CAPG: variants seen among roughly 807,000 people sequenced by gnomAD.
CAPG encodes capping actin protein, gelsolin like, also known as macrophage-capping protein.
CAPG carries 32 observed loss-of-function variants against 44.6 expected under a neutral mutation model. That is an observed-to-expected ratio of 0.72 (90% CI 0.54 to 0.96). CAPG has a LOEUF of 0.96. Ranked by LOEUF, CAPG falls within the 50% of genes least tolerant of loss-of-function variation. The pLI is 0.00. For missense variants in CAPG, 412 were observed against 438.3 expected (o/e 0.94, Z 0.54); for synonymous variants, 175 against 179.6 (o/e 0.97, Z 0.20).
In CAPG at chr2:85,395,230, C is replaced by T. The variant is rs571979574; in HGVS notation, c.982-272G>A. Among the ~76,000 whole-genome samples, 4 of 152,288 alleles carry T rather than the reference C, an allele frequency of 2.6e-5. No homozygotes were observed. The highest frequency in any genetic ancestry group is 1.9e-4 in the East Asian group (1 of 5,180). ...GTAGCTGAGCCCTGTCAGCTCCCCA[C>T]GGGATGACTTGTGGACACTGTGCTG... On this transcript the variant is annotated intron_variant, in intron 9 of 9. Transcript: ENST00000263867. The surrounding 1 kb of genome is among the most constrained non-coding windows in gnomAD (Gnocchi z 4.3).
rs1686577882 is a variant in CAPG, at chr2:85,395,980, C to T, written c.893-354G>A. The T allele has an allele frequency of 4.3e-6, 1 of 232,072 alleles. No homozygotes were observed. Among genetic ancestry groups the T allele is most frequent in the Admixed American group, 5.0e-5 (1 of 19,876 alleles). 14.4% of individuals were successfully genotyped at this position (232,072 alleles called of 1,614,324 possible). On this transcript the variant is annotated intron_variant, in intron 8 of 9. Coordinates refer to ENST00000263867, the MANE Select transcript of CAPG (RefSeq NM_001747.4). The surrounding 1 kb of genome is among the most constrained non-coding windows in gnomAD (Gnocchi z 4.3). ...CTCCTTTTCCTCTAGGACCCCTCAC[C>T]TCTTGAATTCATCAAGCCTTTTCTG...
downstream of CAPG, among the ~76,000 whole-genome samples, chr2:85,392,091 T>C (rs1686396330): frequency 6.6e-6 from 1 of 152,230 alleles, no homozygotes; most frequent in East Asian, 1.9e-4. Context: ...TGTTGGTTCC[T>C]TCCCAAAAGA....
intron 8 of CAPG, among the ~76,000 whole-genome samples, chr2:85,396,362 GTT>G (rs34371148): frequency 1.3e-5 from 2 of 148,426 alleles, no homozygotes; most frequent in African/African-American, 4.9e-5. Context: ...ATTTTGGGGG[GTT>G]TTTTTTTTGT....
At chr2:85,408,380 A>ACACACACACACACACACAC (rs1687269825) in intron 1 of CAPG, among the ~76,000 whole-genome samples, 5 of 131,880 alleles carry the variant, frequency 3.8e-5, no homozygotes, top group South Asian at 5.5e-4. Flanking sequence ...ACACACACAC[A>ACACACACACACACACACAC]AGCCCCCTTA....
In CAPG at chr2:85,395,194, T is replaced by C. The variant is rs11690650; in HGVS notation, c.982-236A>G. ...GGGCGTGGGTGCACAGTTTAATAAA[T>C]GCCACCAACGGTAGCTGAGCCCTGT... On this transcript the variant is annotated intron_variant, in intron 9 of 9. Transcript: ENST00000263867. The surrounding 1 kb of genome is among the most constrained non-coding windows in gnomAD (Gnocchi z 4.3). Among the ~76,000 whole-genome samples, 35,028 of 152,004 alleles carry C rather than the reference T, an allele frequency of 0.23. 4,414 individuals carry two copies. Among genetic ancestry groups the C allele is most frequent in the African/African-American group, 0.3 (12,273 of 41,440 alleles).
chr2:85,399,062 C>T, intron 6 of CAPG, 74 bp downstream of exon 6: 1 of 1,533,412 alleles, frequency 6.5e-7, no homozygotes, highest in Non-Finnish European at 9.0e-7. Context: ...CACTCTCAGC[C>T]CTCAGCTCAT....
At chr2:85,401,390 A>C in intron 4 of CAPG, 61 bp from the exon 5 acceptor site, 2 of 1,583,696 alleles carry the variant, frequency 1.3e-6, no homozygotes, top group Non-Finnish European at 1.7e-6. Flanking sequence ...TCTGCACCCC[A>C]TCCCACTGGA....
intron 7 of CAPG, 128 bp downstream of exon 7, chr2:85,398,562 C>T: frequency 1.3e-6 from 1 of 758,908 alleles, no homozygotes; most frequent in Non-Finnish European, 2.2e-6. Context: ...TAACTCCCCA[C>T]CTCCCACCTC....
In CAPG at chr2:85,398,145, T is replaced by G; in HGVS notation, c.767A>C (p.Asp256Ala). 1 of 1,613,460 alleles carries G rather than the reference T, an allele frequency of 6.2e-7. No homozygotes were observed. Among genetic ancestry groups the G allele is most frequent in the Non-Finnish European group, 8.5e-7 (1 of 1,179,884 alleles). ...GGTCAGGTTCATCTGTCCAGTGGCA[T>G]CAGAGACCTGGGGAGGAGGGACAGT... ...AQAAALYKVS[D>A]ATGQMNLTKV... The change falls in exon 8 of 10, where the codon GAT becomes GCT. Residue 256 changes from aspartate (D) to alanine (A), a missense_variant. Physicochemically the swap from Asp to Ala is moderately radical, Grantham distance 126. Coordinates refer to ENST00000263867, the MANE Select transcript of CAPG (RefSeq NM_001747.4).
chr2:85,393,770 G>A (rs1686471389), downstream of CAPG, among the ~76,000 whole-genome samples: 1 of 152,050 alleles, frequency 6.6e-6, no homozygotes, highest in African/African-American at 2.4e-5. Context: ...TTCCATGTTG[G>A]CCAGACTGGT....
rs202207205 is a variant in CAPG at position 85,401,164 on chromosome 2, C to A, written c.516+1G>T. On this transcript the variant is annotated splice_donor_variant, in intron 5 of 9. Coordinates refer to ENST00000263867, the MANE Select transcript of CAPG (RefSeq NM_001747.4). LOFTEE classifies it high-confidence loss of function. ...GTGCTCAGTCTGGCCAGCCTACCCA[C>A]CTGGCCCAGGTCCAGGATGAAGCAG... 2 of 1,613,462 alleles carry A rather than the reference C, an allele frequency of 1.2e-6. No individual in the cohort carries two copies. The highest frequency in any genetic ancestry group is 2.7e-5 in the African/African-American group (2 of 74,904).
chr2:85,418,285 G>A (rs1687617143), exon 1 of CAPG: 1 of 152,222 alleles, frequency 6.6e-6, no homozygotes, highest in Non-Finnish European at 1.5e-5. Context: ...CAGTCCCGCA[G>A]GCGTGGCGGG....
Position 85,394,950 on chromosome 2 carries a change from A to G in CAPG, c.990T>C (p.Ile330=). 2 of 1,611,890 alleles carry G rather than the reference A, an allele frequency of 1.2e-6. No homozygotes were observed. The highest frequency in any genetic ancestry group is 1.7e-6 in the Non-Finnish European group (2 of 1,177,926). The change falls in exon 10 of 10, where the codon ATT becomes ATC. Residue 330 remains isoleucine, a synonymous_variant. Coordinates refer to ENST00000263867, the MANE Select transcript of CAPG (RefSeq NM_001747.4). ...TGGGACTCTCATGGCCCTGAGGCAGAATCTCCACCTGCAGGGACAGCGGGG... is the reference window on the plus strand; with the variant it reads ...TGGGACTCTCATGGCCCTGAGGCAGGATCTCCACCTGCAGGGACAGCGGGG... ...MQYAPNTQVE[I]LPQGHESPIF...
downstream of CAPG, among the ~76,000 whole-genome samples, chr2:85,394,427 G>A (rs1386163002): frequency 1.3e-5 from 2 of 152,264 alleles, no homozygotes; most frequent in East Asian, 3.8e-4. Context: ...GAAGCTGCCT[G>A]GCAGTGCTTT....
chr2:85,414,879 C>T (rs886093317), upstream of CAPG, among the ~76,000 whole-genome samples: 2 of 152,184 alleles, frequency 1.3e-5, no homozygotes, highest in Non-Finnish European at 2.9e-5. Flanking sequence ...TCCACACTTC[C>T]GCCTTGGCTC....
Position 85,395,371 on chromosome 2 carries a change from C to A in CAPG, c.981+167G>T. The A allele has an allele frequency of 1.6e-6, 1 of 626,696 alleles. No individual in the cohort carries two copies. The allele number at this position is 626,696 out of a possible 1,614,324, so 38.8% of individuals were successfully genotyped here. The stretch of plus-strand genomic sequence containing the variant: ...TCTTTGAAAATAATAAGTATTTTGA[C>A]ATTTTGAAGGATTGAGATGGGCTTT... On this transcript the variant is annotated intron_variant, in intron 9 of 9. Coordinates refer to ENST00000263867, the MANE Select transcript of CAPG (RefSeq NM_001747.4). This position sits in a 1 kb window ranked among gnomAD's most constrained non-coding sequence, Gnocchi z 4.3.
upstream of CAPG, among the ~76,000 whole-genome samples, chr2:85,411,022 G>A (rs1339837543): frequency 4.0e-5 from 6 of 151,874 alleles, no homozygotes; most frequent in Admixed American, 6.6e-5. Context: ...CAACATGCCC[G>A]ACTAATTTTT....
At chr2:85,406,424 C>T (rs574605233) in intron 1 of CAPG, among the ~76,000 whole-genome samples, 20 of 152,290 alleles carry the variant, frequency 1.3e-4, no homozygotes, top group Non-Finnish European at 2.1e-4. Flanking sequence ...AGCAAAAGAA[C>T]CCTGCTAAGG....
intron 1 of CAPG, among the ~76,000 whole-genome samples, chr2:85,417,375 G>A (rs529147468): frequency 6.6e-6 from 1 of 152,262 alleles, no homozygotes; most frequent in South Asian, 2.1e-4. Flanking sequence ...AAGCGGCAGA[G>A]GATAGATGGG....
Sources: gnomAD v4.1 joint callset for allele counts (sites outside exome capture counted in the v4.1 genomes callset) on GRCh38, gnomAD v4.1.1 for gene constraint, Gnocchi (gnomAD v3.1) non-coding constraint, MANE v1.5 for transcripts, NCBI Gene and HGNC (gene_info 2026-07-23, HGNC 2026-07-21) for gene names.